Variants in SUSD1 observed in about 807,000 individuals in gnomAD.
The protein encoded by SUSD1 is sushi domain containing 1.
In SUSD1, 65 loss-of-function variants were observed where a neutral mutation model predicts 86.9. That is an observed-to-expected ratio of 0.75 (90% CI 0.61 to 0.92). SUSD1 has a LOEUF of 0.92. SUSD1 is among the 40% of genes least tolerant of loss of function. The pLI is 0.00. For synonymous variants in SUSD1, 346 were observed against 350.0 expected, an observed-to-expected ratio of 0.99 and a Z score of 0.13; for missense variants, 850 against 929.7, an observed-to-expected ratio of 0.91 and a Z score of 1.11.
At chr9:112,164,922 G>A (rs1833715572) in intron 1 of SUSD1, among the ~76,000 whole-genome samples, 1 of 152,242 alleles carries the variant, frequency 6.6e-6, no homozygotes, top group South Asian at 2.1e-4. Flanking sequence ...TCCAGCCTGG[G>A]CGACAGAGCG....
At chr9:112,074,371 C>G (rs941269338) in intron 12 of SUSD1, among the ~76,000 whole-genome samples, 1 of 152,118 alleles carries the variant, frequency 6.6e-6, no homozygotes, top group Non-Finnish European at 1.5e-5. Flanking sequence ...TTCAATGTGC[C>G]GTCTGCAGCC....
At chr9:112,147,273 G>A (rs990191758) in intron 3 of SUSD1, among the ~76,000 whole-genome samples, 1 of 151,834 alleles carries the variant, frequency 6.6e-6, no homozygotes, top group Non-Finnish European at 1.5e-5. Context: ...TTGGGAGGCC[G>A]AGGCAGGTGA....
At chr9:112,068,627 G>A (rs529297286) in intron 12 of SUSD1, among the ~76,000 whole-genome samples, 122 of 151,702 alleles carry the variant, frequency 8.0e-4, no homozygotes, top group Admixed American at 2.4e-3. Context: ...GCTTGAGCCC[G>A]GGAGGCAGAG....
chr9:112,055,547 G>T (rs918278067), intron 14 of SUSD1, among the ~76,000 whole-genome samples: 2 of 152,284 alleles, frequency 1.3e-5, no homozygotes, highest in Admixed American at 1.3e-4. Context: ...GAAGCCCTAC[G>T]CACTGCTGGT....
chr9:112,147,466 G>A (rs1398459935), intron 3 of SUSD1, among the ~76,000 whole-genome samples: 1 of 151,866 alleles, frequency 6.6e-6, no homozygotes, highest in Non-Finnish European at 1.5e-5. Context: ...GCAGTGAGCC[G>A]TGATTGTGCC....
intron 6 of SUSD1, among the ~76,000 whole-genome samples, chr9:112,118,821 T>A (rs1831437190): frequency 6.6e-6 from 1 of 152,236 alleles, no homozygotes; most frequent in Non-Finnish European, 1.5e-5. Flanking sequence ...TGTATCAGTT[T>A]TTGTGTATAT....
rs1029647127 is a variant in SUSD1, at chr9:112,102,213, C to T, written c.1244G>A (p.Arg415Lys). ...IFNETCLKLN[R>K]RSRKVGSEHM... Reference sequence around the variant, plus strand: ...TTCTGATCCAACTTTCCTAGAACGCCTGTTCAATTTCAAACAAGTTTCATT... The same window carrying T: ...TTCTGATCCAACTTTCCTAGAACGCTTGTTCAATTTCAAACAAGTTTCATT... Residue 415 changes from arginine (R) to lysine (K), a missense_variant, in exon 9 of 17, where the codon AGG becomes AAG. Coordinates refer to ENST00000374270, the MANE Select transcript of SUSD1 (RefSeq NM_022486.5). 1.9e-6 allele frequency: 3 copies of T among 1,602,514 alleles called. No individual in the cohort carries two copies. Among genetic ancestry groups the T allele is most frequent in the Non-Finnish European group, 2.6e-6 (3 of 1,174,714 alleles).
intron 10 of SUSD1, among the ~76,000 whole-genome samples, chr9:112,085,919 TGA>T (rs1829955005): frequency 1.3e-5 from 2 of 150,708 alleles, no homozygotes; most frequent in Non-Finnish European, 3.0e-5. Flanking sequence ...GGTGACAGAG[TGA>T]GACCCTGTCT....
chr9:112,173,814 C>A (rs956979553), intron 1 of SUSD1: 2 of 277,760 alleles, frequency 7.2e-6, no homozygotes, highest in Admixed American at 7.0e-5. Flanking sequence ...CTTCTTTAGG[C>A]CCCTCTTATT....
intron 9 of SUSD1, among the ~76,000 whole-genome samples, chr9:112,100,036 C>T (rs1422884463): frequency 6.6e-6 from 1 of 152,206 alleles, no homozygotes; most frequent in Non-Finnish European, 1.5e-5. Flanking sequence ...GTCCCCTATT[C>T]TTCTGGACCA....
intron 5 of SUSD1, among the ~76,000 whole-genome samples, chr9:112,125,573 GA>G (rs1339293978): frequency 2.7e-5 from 4 of 150,458 alleles, no homozygotes; most frequent in Admixed American, 6.6e-5. Context: ...CATGGTCAGA[GA>G]AAAAAAAAGA....
intron 6 of SUSD1, among the ~76,000 whole-genome samples, chr9:112,114,017 T>C (rs1411317022): frequency 1.3e-5 from 2 of 152,154 alleles, no homozygotes; most frequent in Non-Finnish European, 2.9e-5. Flanking sequence ...TATATACTTC[T>C]ATATATAAAA....
At chr9:112,043,669 T>C (rs1827837946) in intron 15 of SUSD1, among the ~76,000 whole-genome samples, 1 of 152,250 alleles carries the variant, frequency 6.6e-6, no homozygotes, top group Non-Finnish European at 1.5e-5. Context: ...CGGTTACTAA[T>C]TCTCAAAAAA....
intron 10 of SUSD1, among the ~76,000 whole-genome samples, chr9:112,082,235 A>G (rs1829797782): frequency 6.6e-6 from 1 of 152,234 alleles, no homozygotes. Context: ...AAGGCAACAT[A>G]CAAAAACTGA....
rs530524994 is a variant in SUSD1 at position 112,120,041 on chromosome 9, C to T, written c.886+4216G>A. ...TGAGAGGGGAAGCCAAACGTGAACACGAAGACAGGGAAATATAAAATACAC... is the reference window on the plus strand; with the variant it reads ...TGAGAGGGGAAGCCAAACGTGAACATGAAGACAGGGAAATATAAAATACAC... On this transcript the variant is annotated intron_variant, in intron 6 of 16. Transcript: ENST00000374270. 3.9e-5 allele frequency among the ~76,000 whole-genome samples: 6 copies of T among 152,232 alleles called. No individual in the cohort carries two copies. In the South Asian group the frequency reaches 8.3e-4, roughly 21 times the overall value.
chr9:112,131,141 C>T (rs1260510923), intron 5 of SUSD1, among the ~76,000 whole-genome samples: 2 of 152,154 alleles, frequency 1.3e-5, no homozygotes, highest in African/African-American at 2.4e-5. Flanking sequence ...CAAAGTCACA[C>T]CATTCGTAAA....
intron 6 of SUSD1, among the ~76,000 whole-genome samples, chr9:112,115,567 G>A (rs1288940555): frequency 2.6e-5 from 4 of 152,072 alleles, no homozygotes; most frequent in African/African-American, 7.2e-5. Context: ...AGCACTTTGC[G>A]GGGCTGAGAT....
chr9:112,069,032 A>T (rs1829126329), intron 12 of SUSD1, among the ~76,000 whole-genome samples: 1 of 152,114 alleles, frequency 6.6e-6, no homozygotes, highest in South Asian at 2.1e-4. Context: ...TTAGAAACAT[A>T]GGTCTGGAGC....
intron 15 of SUSD1, among the ~76,000 whole-genome samples, chr9:112,051,738 C>T (rs1264386838): frequency 6.6e-6 from 1 of 152,130 alleles, no homozygotes. Flanking sequence ...TGTATGTGCA[C>T]AAGCTACACA....
Sources: allele counts gnomAD v4.1 joint callset (sites outside exome capture counted in the v4.1 genomes callset), GRCh38; gene constraint gnomAD v4.1.1; transcripts MANE v1.5; gene names NCBI Gene and HGNC (gene_info 2026-07-23, HGNC 2026-07-21).